Variants in PBLD observed in about 807,000 individuals in gnomAD.
PBLD encodes the protein phenazine biosynthesis-like domain-containing protein.
Under a neutral mutation model 31.3 loss-of-function variants are expected in PBLD, and 26 were observed. That is an observed-to-expected ratio of 0.83 (90% CI 0.61 to 1.15). The LOEUF is 1.15. Ranked by LOEUF, PBLD falls within the 50% of genes most tolerant of loss-of-function variation. The pLI is 0.00. For missense variants in PBLD, 307 were observed against 351.7 expected, an observed-to-expected ratio of 0.87 and a Z score of 1.02; for synonymous variants, 114 against 129.0, an observed-to-expected ratio of 0.88 and a Z score of 0.79.
rs2045254409 is a variant in PBLD at position 68,332,771 on chromosome 10, T to G, written c.-60+13A>C. On this transcript the variant is annotated intron_variant, in intron 1 of 9. Transcript: ENST00000358769. The stretch of plus-strand genomic sequence containing the variant: ...CCGCGGCCTCCCTTCCTCCGCAGTC[T>G]CGGCAGGGCTACCTGGGCTGACGGG... 1.3e-5 allele frequency: 2 copies of G among 152,226 alleles called. No individual in the cohort carries two copies. Among genetic ancestry groups the G allele is most frequent in the Non-Finnish European group, 2.9e-5 (2 of 68,090 alleles). The allele number at this position is 152,226 out of a possible 1,614,324, so 9.4% of individuals were successfully genotyped here.
chr10:68,289,062 C>T, intron 6 of PBLD, 43 bp from the exon 7 acceptor site: 2 of 1,465,356 alleles, frequency 1.4e-6, no homozygotes, highest in Non-Finnish European at 1.9e-6. Context: ...ATGCCCTGGG[C>T]CAAGTCCTTG....
At chr10:68,325,794 A>G (rs2044910933) in intron 1 of PBLD, among the ~76,000 whole-genome samples, 1 of 152,116 alleles carries the variant, frequency 6.6e-6, no homozygotes, top group Non-Finnish European at 1.5e-5. Context: ...TCATTGCCCC[A>G]CTAAATTTTA....
chr10:68,285,438 A>G lies in PBLD; in HGVS notation c.692-28T>C, dbSNP rs2044274462. On this transcript the variant is annotated intron_variant, in intron 8 of 9. Coordinates refer to ENST00000358769, the MANE Select transcript of PBLD (RefSeq NM_022129.4). ...CAAAAGAAGTGAAAAGTTAGGAGAC[A>G]ATCCCCAAGAAAACAGAGGCGATTT... is the stretch of plus-strand genomic sequence containing the variant. 1.9e-6 allele frequency: 3 copies of G among 1,576,226 alleles called. No individual in the cohort carries two copies. In the South Asian group the frequency reaches 3.5e-5, roughly 19 times the overall value.
rs1357531811 is a variant in PBLD, at chr10:68,288,542, A to G, written c.632T>C (p.Phe211Ser). The G allele has an allele frequency of 6.2e-7, 1 of 1,614,194 alleles. No homozygotes were observed. Among genetic ancestry groups the G allele is most frequent in the South Asian group, 1.1e-5 (1 of 91,080 alleles). The change falls in exon 8 of 10, where the codon TTT becomes TCT. Residue 211 changes from phenylalanine to serine, a missense_variant. Physicochemically the swap from Phe to Ser is radical, Grantham distance 155. Coordinates refer to ENST00000358769, the MANE Select transcript of PBLD (RefSeq NM_022129.4). ...KGEPGGQTQA[F>S]DFYSRYFAPW... Reference sequence around the variant, plus strand: ...TGCAAAATATCTTGAGTAAAAGTCAAATGCTTGGGTCTGCCCACCAGGCTC... The same window carrying G: ...TGCAAAATATCTTGAGTAAAAGTCAGATGCTTGGGTCTGCCCACCAGGCTC...
At chr10:68,305,695 C>A (rs2134472897) in intron 2 of PBLD, among the ~76,000 whole-genome samples, 1 of 152,200 alleles carries the variant, frequency 6.6e-6, no homozygotes, top group South Asian at 2.1e-4. Flanking sequence ...GCGGATGTTG[C>A]AGTAAGCTCA....
chr10:68,319,648 G>C (rs2044802189), intron 1 of PBLD, among the ~76,000 whole-genome samples: 1 of 151,972 alleles, frequency 6.6e-6, no homozygotes, highest in Non-Finnish European at 1.5e-5. Context: ...TTGAACCTGG[G>C]AGGCGGAGGT....
chr10:68,318,640 A>G (rs748788929), intron 1 of PBLD, among the ~76,000 whole-genome samples: 17 of 152,150 alleles, frequency 1.1e-4, no homozygotes, highest in Non-Finnish European at 2.2e-4. Context: ...TGAGGTGGGA[A>G]TGGAGCTATA....
chr10:68,291,136 G>A (rs2044353062), intron 6 of PBLD, among the ~76,000 whole-genome samples: 1 of 152,128 alleles, frequency 6.6e-6, no homozygotes, highest in South Asian at 2.1e-4. Context: ...GACAGCCCTT[G>A]CCCTGGTCCT....
intron 4 of PBLD, 150 bp downstream of exon 4, chr10:68,296,116 G>GGGTTTTTTTTTTTTTT: frequency 1.8e-6 from 1 of 541,556 alleles, no homozygotes; most frequent in East Asian, 2.9e-5. Flanking sequence ...AAGGTCGCTG[G>GGGTTTTTTTTTTTTTT]TTTTGTTTCT....
chr10:68,304,931 A>G (rs2044556147), intron 2 of PBLD, among the ~76,000 whole-genome samples: 1 of 152,328 alleles, frequency 6.6e-6, no homozygotes, highest in South Asian at 2.1e-4. Context: ...AAAGTTTATT[A>G]CCTTCTGCAT....
chr10:68,296,211 A>T, intron 4 of PBLD, 55 bp downstream of exon 4: 23 of 301,440 alleles, frequency 7.6e-5, no homozygotes, highest in Middle Eastern at 6.5e-4. Context: ...GTGAGAACTT[A>T]AAAAAAAAAA....
Position 68,289,218 on chromosome 10 carries a change from C to T in PBLD, c.424-199G>A, listed in dbSNP as rs1235981976. Among the ~76,000 whole-genome samples, 3 of 152,122 alleles carry T rather than the reference C, an allele frequency of 2.0e-5. No homozygotes were observed. The East Asian group carries it at 5.8e-4, about 29-fold the overall frequency. Reference sequence around the variant, plus strand: ...GTCAGTCTCCTGGCTACCAAAGAGGCCTCTGTGAGCCTCAAAACAGGCATT... The same window carrying T: ...GTCAGTCTCCTGGCTACCAAAGAGGTCTCTGTGAGCCTCAAAACAGGCATT... On this transcript the variant is annotated intron_variant, in intron 6 of 9. Transcript: ENST00000358769.
chr10:68,292,512 C>CTTTTTTTTTTTTTTTTTTTTTTT (rs66894235), intron 4 of PBLD, among the ~76,000 whole-genome samples: 2 of 147,168 alleles, frequency 1.4e-5, no homozygotes, highest in Non-Finnish European at 3.0e-5. Context: ...ACTTAGCCTC[C>CTTTTTTTTTTTTTTTTTTTTTTT]TTTTTTTTTT....
chr10:68,302,129 A>G (rs147874379), intron 2 of PBLD, among the ~76,000 whole-genome samples: 4 of 152,288 alleles, frequency 2.6e-5, no homozygotes, highest in African/African-American at 7.2e-5. Context: ...CTTTTCAGCA[A>G]TTTTTCCATT....
intron 2 of PBLD, among the ~76,000 whole-genome samples, chr10:68,301,218 T>A (rs1235518849): frequency 6.6e-6 from 1 of 152,086 alleles, no homozygotes; most frequent in Non-Finnish European, 1.5e-5. Context: ...AATCAGAGAT[T>A]AAACTTTAAC....
chr10:68,295,517 T>C (rs997618625), intron 4 of PBLD, among the ~76,000 whole-genome samples: 4 of 151,646 alleles, frequency 2.6e-5, no homozygotes, highest in African/African-American at 9.7e-5. Flanking sequence ...AAAATGTTTA[T>C]TGAAGAATCT....
intron 1 of PBLD, among the ~76,000 whole-genome samples, chr10:68,330,747 T>C (rs2045041171): frequency 8.0e-6 from 1 of 125,210 alleles, no homozygotes; most frequent in South Asian, 2.5e-4. Flanking sequence ...TGTGTGTGTG[T>C]GTGTGTGTGT....
intron 4 of PBLD, among the ~76,000 whole-genome samples, chr10:68,293,520 T>C (rs10733841): frequency 0.79 from 119,939 of 152,158 alleles, 47,889 homozygotes; most frequent in Non-Finnish European, 0.86. Context: ...TGTTAACTTT[T>C]ATTGAGCATA....
Position 68,296,878 on chromosome 10 carries a change from A to G in PBLD, c.184+8T>C, listed in dbSNP as rs200178821. The G allele has an allele frequency of 9.1e-5, 146 of 1,602,226 alleles. No individual in the cohort carries two copies. The highest frequency in any genetic ancestry group is 4.0e-4 in the Admixed American group (24 of 59,792). ...AACAGTTCTTAAAAAAAAAAAATGC[A>G]TATTTACTTTGTGCAAAGTTGTCTG... On this transcript the variant is annotated splice_region_variant and intron_variant, in intron 3 of 9. Coordinates refer to ENST00000358769, the MANE Select transcript of PBLD (RefSeq NM_022129.4).
Sources: gnomAD v4.1 joint callset for allele counts (sites outside exome capture counted in the v4.1 genomes callset) on GRCh38, gnomAD v4.1.1 for gene constraint, MANE v1.5 for transcripts, NCBI Gene and HGNC (gene_info 2026-07-23, HGNC 2026-07-21) for gene names.